The following NR1D2 variants were observed in gnomAD, a reference collection of about 807,000 sequenced individuals.
NR1D2 encodes nuclear receptor subfamily 1 group D member 2.
A neutral mutation model predicts 52.2 loss-of-function variants in NR1D2; 25 were observed. That is an observed-to-expected ratio of 0.48 (90% confidence interval 0.35 to 0.67). The LOEUF (loss-of-function observed/expected upper bound fraction) is 0.67. NR1D2 is among the 30% of genes least tolerant of loss of function. NR1D2 has a pLI of 0.01. For missense variants in NR1D2, 681 were observed against 707.2 expected (o/e 0.96, Z 0.42); for synonymous variants, 259 against 230.1 (o/e 1.13, Z -1.14).
At chr3:23,963,225 A>G (rs771677557) in intron 5 of NR1D2, 28 of 1,324,506 alleles carry the variant, frequency 2.1e-5, no homozygotes, top group Non-Finnish European at 2.7e-5. Flanking sequence ...ACATCAAAGT[A>G]CAGTGTTCAT....
At position 23,964,986 on chromosome 3, in the gene NR1D2, A is replaced by T. The variant is rs4858097; in HGVS notation, c.1156A>T (p.Met386Leu). Residue 386 changes from methionine (M) to leucine (L), a missense_variant, in exon 6 of 8, where the codon ATG (methionine) becomes TTG (leucine). By Grantham distance (15) the Met-to-Leu change is conservative. Coordinates refer to ENST00000312521, the MANE Select transcript of NR1D2 (RefSeq NM_005126.5). ...GTTTTATGTATACTAGGTTTGTCCAATGAGTAAGTCTCCATATGTGGATCC... is the reference window on the plus strand; with the variant it reads ...GTTTTATGTATACTAGGTTTGTCCATTGAGTAAGTCTCCATATGTGGATCC... The part of the protein sequence containing the change: ...TGGRMHLVCP[M>L]SKSPYVDPHK... 4.8e-5 allele frequency: 78 copies of T among 1,610,300 alleles called. No homozygotes were observed. The highest frequency in any genetic ancestry group is 6.5e-5 in the Non-Finnish European group (77 of 1,178,204).
intron 2 of NR1D2, among the ~76,000 whole-genome samples, chr3:23,955,120 G>A (rs374483418): frequency 9.9e-5 from 15 of 152,276 alleles, no homozygotes; most frequent in African/African-American, 3.6e-4. Context: ...CTTGTTTCTA[G>A]AACAGAGTAC....
chr3:23,970,621 A>T (rs1430788956), intron 7 of NR1D2, among the ~76,000 whole-genome samples: 1 of 152,224 alleles, frequency 6.6e-6, no homozygotes, highest in Non-Finnish European at 1.5e-5. Flanking sequence ...ATGGAAAATT[A>T]AGTGTGAAAG....
At chr3:23,975,707 G>A (rs902309968) in intron 7 of NR1D2, among the ~76,000 whole-genome samples, 3 of 152,032 alleles carry the variant, frequency 2.0e-5, no homozygotes, top group Non-Finnish European at 4.4e-5. Context: ...GTAGTGAGCC[G>A]AGATCGCACC....
chr3:23,965,201 C>T (rs1706406277), intron 6 of NR1D2, 39 bp downstream of exon 6: 1 of 1,138,188 alleles, frequency 8.8e-7, no homozygotes, highest in Non-Finnish European at 1.2e-6. Context: ...GCAGGCAGGG[C>T]ATGTAGTATT....
In NR1D2 at chr3:23,980,545, A is replaced by C. The variant is rs1218784523; in HGVS notation, c.*3126A>C. On this transcript the variant is annotated 3_prime_UTR_variant, in exon 8 of 8. Coordinates refer to ENST00000312521, the MANE Select transcript of NR1D2 (RefSeq NM_005126.5). Reference sequence around the variant, plus strand: ...TCTACAAACTGTAATTGATGAGGACATGGATAATATCTTCATGTTTCTGAG... The same window carrying C: ...TCTACAAACTGTAATTGATGAGGACCTGGATAATATCTTCATGTTTCTGAG... The C allele has an allele frequency of 6.6e-6, 1 of 152,146 alleles. No homozygotes were observed. The highest frequency in any genetic ancestry group is 1.9e-4 in the East Asian group (1 of 5,196). 9.4% of individuals were successfully genotyped at this position (152,146 alleles called of 1,614,324 possible).
intron 1 of NR1D2, among the ~76,000 whole-genome samples, chr3:23,950,924 G>GTT (rs1705912439): frequency 9.8e-6 from 1 of 101,920 alleles, no homozygotes; most frequent in African/African-American, 3.8e-5. Context: ...TTTTTTTTGA[G>GTT]ATGGAGTTTT....
At chr3:23,959,222 C>T (rs893247056) in intron 3 of NR1D2, among the ~76,000 whole-genome samples, 2 of 150,598 alleles carry the variant, frequency 1.3e-5, no homozygotes, top group African/African-American at 4.9e-5. Context: ...TGTGATCATG[C>T]CACTGCACTC....
intron 7 of NR1D2, among the ~76,000 whole-genome samples, chr3:23,975,586 A>G (rs189797792): frequency 3.2e-4 from 48 of 152,212 alleles, no homozygotes; most frequent in African/African-American, 1.1e-3. Context: ...CCTGGCCAAG[A>G]TGGTGAAACT....
chr3:23,952,239 A>G (rs1705952021), intron 1 of NR1D2, among the ~76,000 whole-genome samples: 1 of 152,210 alleles, frequency 6.6e-6, no homozygotes, highest in Non-Finnish European at 1.5e-5. Flanking sequence ...GGTGAGATGC[A>G]CATAGCAAGA....
chr3:23,956,280 C>T (rs1228303475), intron 3 of NR1D2, among the ~76,000 whole-genome samples, 155 bp downstream of exon 3: 1 of 152,190 alleles, frequency 6.6e-6, no homozygotes, highest in Non-Finnish European at 1.5e-5. Context: ...ATAAGCATAA[C>T]TTGTTTTGAA....
At chr3:23,953,402 T>C (rs1361057517) in intron 1 of NR1D2, among the ~76,000 whole-genome samples, 4 of 145,528 alleles carry the variant, frequency 2.7e-5, no homozygotes, top group Admixed American at 1.4e-4. Flanking sequence ...GTGGCGGTTA[T>C]ATAAAATTGG....
chr3:23,970,684 A>G (rs1706562856), intron 7 of NR1D2, among the ~76,000 whole-genome samples: 1 of 152,232 alleles, frequency 6.6e-6, no homozygotes, highest in African/African-American at 2.4e-5. Flanking sequence ...TCACTGTATG[A>G]ACATATACAA....
chr3:23,947,273 A>G (rs1008414077), intron 1 of NR1D2, among the ~76,000 whole-genome samples: 1 of 152,196 alleles, frequency 6.6e-6, no homozygotes. Context: ...CTCTGGTTTG[A>G]GCCCTCTTCC....
chr3:23,978,918 A>G lies in NR1D2; in HGVS notation c.*1499A>G, dbSNP rs1706809072. On this transcript the variant is annotated 3_prime_UTR_variant, in exon 8 of 8. Coordinates refer to ENST00000312521, the MANE Select transcript of NR1D2 (RefSeq NM_005126.5). ...CAGCATCTGTTTATGGTAGTAGGAG[A>G]AATAGCCAAAGTTGAGGATTTTATG... The G allele has an allele frequency of 6.6e-6, 1 of 152,108 alleles. No homozygotes were observed. The highest frequency in any genetic ancestry group is 2.4e-5 in the African/African-American group (1 of 41,426). 9.4% of individuals were successfully genotyped at this position (152,108 alleles called of 1,614,324 possible). A position where few individuals can be genotyped will look rare whatever the true frequency, so the allele number is the denominator to read the frequency against.
At position 23,953,346 on chromosome 3, in the gene NR1D2, A is replaced by C. The variant is rs1011317898; in HGVS notation, c.17-1191A>C. ...TGACAGAGTGAGACTCTGTCTCAAAAAAAAAAAAAAAAAAAAAAAAAAAAA... is the reference window on the plus strand; with the variant it reads ...TGACAGAGTGAGACTCTGTCTCAAACAAAAAAAAAAAAAAAAAAAAAAAAA... On this transcript the variant is annotated intron_variant, in intron 1 of 7. Coordinates refer to ENST00000312521, the MANE Select transcript of NR1D2 (RefSeq NM_005126.5). 5.3e-5 allele frequency among the ~76,000 whole-genome samples: 6 copies of C among 113,908 alleles called. No individual in the cohort carries two copies. In the East Asian group the frequency reaches 1.2e-3, roughly 24 times the overall value. 74.7% of individuals were successfully genotyped at this position (113,908 alleles called of 152,430 possible).
Position 23,962,006 on chromosome 3 carries a change from GA to G in NR1D2, c.552del (p.Lys184AsnfsTer5). On this transcript the variant is annotated frameshift_variant, in exon 5 of 8. Coordinates refer to ENST00000312521, the MANE Select transcript of NR1D2 (RefSeq NM_005126.5). LOFTEE classifies it high-confidence loss of function. ...TCGGTTTGGTCGTATTCCTAAGCGT[GA>G]AAAACAGAGGATGCTAATTGAAATG... is the stretch of plus-strand genomic sequence containing the variant. Reference protein sequence around the residue: ...AVRFGRIPKREKQRMLIEMQS... With the variant: ...AVRFGRIPKRXKQRMLIEMQS... 1.2e-6 allele frequency: 2 copies of G among 1,611,458 alleles called. No homozygotes were observed. The highest frequency in any genetic ancestry group is 1.1e-5 in the South Asian group (1 of 90,882).
At chr3:23,971,506 T>C (rs1420192268) in intron 7 of NR1D2, among the ~76,000 whole-genome samples, 1 of 151,776 alleles carries the variant, frequency 6.6e-6, no homozygotes, top group African/African-American at 2.4e-5. Context: ...TGACCTTAGG[T>C]GATCCACCCT....
At chr3:23,949,960 C>T (rs989445470) in intron 1 of NR1D2, among the ~76,000 whole-genome samples, 3 of 152,148 alleles carry the variant, frequency 2.0e-5, no homozygotes, top group African/African-American at 4.8e-5. Flanking sequence ...TGAAGTTGAC[C>T]ACTGGGTAAG....
Sources: gnomAD v4.1 joint callset for allele counts (sites outside exome capture counted in the v4.1 genomes callset) on GRCh38, gnomAD v4.1.1 for gene constraint, MANE v1.5 for transcripts, NCBI Gene and HGNC (gene_info 2026-07-23, HGNC 2026-07-21) for gene names.